RBBP5: variants seen among roughly 807,000 people sequenced by gnomAD.
The protein encoded by RBBP5 is RB binding protein 5, histone lysine methyltransferase complex subunit.
In RBBP5, 5 loss-of-function variants were observed where a neutral mutation model predicts 72.2. The ratio of observed to expected loss-of-function variants is 0.07; its 90% CI spans 0.04 to 0.15. RBBP5 has a LOEUF of 0.15. Ranked by LOEUF, RBBP5 falls within the 10% of genes least tolerant of loss-of-function variation. The pLI, the probability that RBBP5 is intolerant of heterozygous loss-of-function variation, is 1.00. For missense variants in RBBP5, 322 were observed against 652.2 expected (o/e 0.49, Z 5.51); for synonymous variants, 209 against 237.2 (o/e 0.88, Z 1.09).
chr1:205,099,709 T>C lies in RBBP5; in HGVS notation c.978+32A>G. 6.4e-7 allele frequency: 1 copy of C among 1,556,650 alleles called. No homozygotes were observed. Among genetic ancestry groups the C allele is most frequent in the Non-Finnish European group, 8.8e-7 (1 of 1,133,290 alleles). ...TTCTTTGATAAAAAGAAGGGGTAAC[T>C]AGTTTCGAAGCAAGTAAAATAGAAT... is the stretch of plus-strand genomic sequence containing the variant. On this transcript the variant is annotated intron_variant, in intron 9 of 13. Coordinates refer to ENST00000264515, the MANE Select transcript of RBBP5 (RefSeq NM_005057.4). This position sits in a 1 kb window ranked among gnomAD's most constrained non-coding sequence, Gnocchi z 4.7.
intron 13 of RBBP5, among the ~76,000 whole-genome samples, chr1:205,093,093 T>A (rs1655414174): frequency 6.6e-6 from 1 of 152,082 alleles, no homozygotes; most frequent in African/African-American, 2.4e-5. Flanking sequence ...TTGGAAGGAT[T>A]GCTCTTATTT....
rs369357886 is a variant in RBBP5 at position 205,088,689 on chromosome 1, C to T, written c.*98G>A. On this transcript the variant is annotated 3_prime_UTR_variant, in exon 14 of 14. Transcript: ENST00000264515. ...CACCTCCTGGGTGGGAGGCACAGGC[C>T]TTTGTTTTAAATTAAAGTCAATTTT... 100 of 1,325,558 alleles carry T rather than the reference C, an allele frequency of 7.5e-5. 1 individual carries two copies. In the East Asian group the frequency reaches 1.7e-3, roughly 23 times the overall value. The allele number at this position is 1,325,558 out of a possible 1,614,324, so 82.1% of individuals were successfully genotyped here.
intron 3 of RBBP5, among the ~76,000 whole-genome samples, chr1:205,113,686 ATTT>A (rs34699278): frequency 1.6e-5 from 2 of 125,764 alleles, no homozygotes; most frequent in Non-Finnish European, 1.9e-5. Context: ...AAAAATGTGT[ATTT>A]TTTTTTTTTT....
At position 205,093,482 on chromosome 1, in the gene RBBP5, ATATATATATATAT is replaced by A. The variant is rs1655460590; in HGVS notation, c.1588+1378_1588+1390del. Reference sequence around the variant, plus strand: ...TCAAAAAAAAAAAAAAAAAAAAAATATATATATATATATATATATATATATATATATATATATA... The same window carrying A: ...TCAAAAAAAAAAAAAAAAAAAAAATAATATATATATATATATATATATATA... On this transcript the variant is annotated intron_variant, in intron 13 of 13. Transcript: ENST00000264515. Among the ~76,000 whole-genome samples, 7 of 5,844 alleles carry A rather than the reference ATATATATATATAT, an allele frequency of 1.2e-3. 1 individual carries two copies. The highest frequency in any genetic ancestry group is 2.1e-3 in the Non-Finnish European group (4 of 1,924). The allele number at this position is 5,844 out of a possible 152,430, so 3.8% of individuals were successfully genotyped here.
At chr1:205,101,498 A>G in intron 6 of RBBP5, 102 bp downstream of exon 6, 1 of 765,918 alleles carries the variant, frequency 1.3e-6, no homozygotes, top group Non-Finnish European at 2.0e-6. Context: ...ACATTTTTAA[A>G]AAATGCTTAA....
At chr1:205,109,730 A>C (rs1656229671) in intron 3 of RBBP5, among the ~76,000 whole-genome samples, 2 of 152,224 alleles carry the variant, frequency 1.3e-5, no homozygotes, top group Admixed American at 1.3e-4. Flanking sequence ...CTTCAATTCC[A>C]AATTCCATAA....
intron 3 of RBBP5, among the ~76,000 whole-genome samples, chr1:205,106,605 A>G (rs982818763): frequency 2.6e-5 from 4 of 152,196 alleles, no homozygotes; most frequent in African/African-American, 9.7e-5. Flanking sequence ...CTCAAGAAAA[A>G]GTAAAAAATA....
At chr1:205,106,729 C>A (rs560092671) in intron 3 of RBBP5, among the ~76,000 whole-genome samples, 1 of 152,242 alleles carries the variant, frequency 6.6e-6, no homozygotes, top group East Asian at 1.9e-4. Flanking sequence ...AATCAATAGA[C>A]ACTAATACAG....
chr1:205,093,260 G>C (rs1468025206), intron 13 of RBBP5, among the ~76,000 whole-genome samples: 1 of 150,718 alleles, frequency 6.6e-6, no homozygotes, highest in East Asian at 1.9e-4. Context: ...AGGAGTTCAA[G>C]ATCAGCCTGA....
In RBBP5 at chr1:205,100,068, A is replaced by C. The variant is rs776694187; in HGVS notation, c.753-4T>G. ...ACAACATTTCTTCCATGGGGTCCTAAAGGACAAGGAAAGTACCAAGGAGAG... is the reference window on the plus strand; with the variant it reads ...ACAACATTTCTTCCATGGGGTCCTACAGGACAAGGAAAGTACCAAGGAGAG... On this transcript the variant is annotated splice_polypyrimidine_tract_variant and splice_region_variant and intron_variant, in intron 7 of 13. Coordinates refer to ENST00000264515, the MANE Select transcript of RBBP5 (RefSeq NM_005057.4). The C allele has an allele frequency of 1.3e-5, 21 of 1,613,696 alleles. No homozygotes were observed. Among genetic ancestry groups the C allele is most frequent in the Admixed American group, 1.0e-4 (6 of 59,992 alleles).
rs991753849 is a variant in RBBP5, at chr1:205,096,818, C to T, written c.1260G>A (p.Pro420=). 1.1e-5 allele frequency: 17 copies of T among 1,614,002 alleles called. 1 individual carries two copies. Among genetic ancestry groups the T allele is most frequent in the African/African-American group, 2.7e-5 (2 of 74,878 alleles). The part of the protein sequence containing the change: ...DPEENPYGPP[P]DAVQTSLMDE... ...CCATCAAGGAGGTTTGGACTGCATC[C>T]GGTGGGGGGCCGTAAGGATTTTCTT... Residue 420 remains proline (P), a synonymous_variant, in exon 12 of 14, where the codon CCG becomes CCA. Transcript: ENST00000264515.
intron 6 of RBBP5, 110 bp from the exon 7 acceptor site, chr1:205,100,381 T>C (rs1368291991): frequency 7.0e-6 from 9 of 1,293,780 alleles, no homozygotes; most frequent in Non-Finnish European, 9.5e-6. Flanking sequence ...AGTAATAGAC[T>C]AGAATATTTA....
In RBBP5 at chr1:205,116,012, T is replaced by C. The variant is rs1171854677; in HGVS notation, c.20-129A>G. Reference sequence around the variant, plus strand: ...ATATGATGCCCTTTCAGGCATTCCATGAGGCCATACGGATTTTCAAGATCC... The same window carrying C: ...ATATGATGCCCTTTCAGGCATTCCACGAGGCCATACGGATTTTCAAGATCC... On this transcript the variant is annotated intron_variant, in intron 1 of 13. Transcript: ENST00000264515. 5.0e-6 allele frequency: 8 copies of C among 1,589,110 alleles called. 1 individual carries two copies. The South Asian group carries it at 7.8e-5, about 16-fold the overall frequency.
chr1:205,088,850 CT>C, intron 13 of RBBP5, 35 bp from the exon 14 acceptor site: 1 of 1,546,778 alleles, frequency 6.5e-7, no homozygotes, highest in Non-Finnish European at 8.8e-7. Context: ...TTTCTTTTAG[CT>C]TCAATTTAGA....
chr1:205,115,782 A>G (rs1466272065), intron 2 of RBBP5, 76 bp downstream of exon 2: 2 of 1,439,116 alleles, frequency 1.4e-6, no homozygotes, highest in African/African-American at 2.9e-5. Flanking sequence ...ACAAGGATCA[A>G]AAAGTATTTT....
chr1:205,097,303 C>T (rs1431330549), intron 11 of RBBP5, 23 bp downstream of exon 11: 4 of 1,551,114 alleles, frequency 2.6e-6, no homozygotes, highest in Middle Eastern at 1.7e-4. Context: ...AGCCAAGGTG[C>T]CCAGCCTTCC....
At chr1:205,097,830 A>G (rs910592254) in intron 10 of RBBP5, among the ~76,000 whole-genome samples, 2 of 152,134 alleles carry the variant, frequency 1.3e-5, no homozygotes, top group African/African-American at 4.8e-5. Flanking sequence ...TAATATCACA[A>G]AAGTGAGGAC....
At chr1:205,115,617 T>C (rs543863776) in intron 2 of RBBP5, among the ~76,000 whole-genome samples, 3 of 152,346 alleles carry the variant, frequency 2.0e-5, no homozygotes, top group Admixed American at 1.3e-4. Context: ...AATGAAAGTT[T>C]TTCTTTTATT....
intron 1 of RBBP5, among the ~76,000 whole-genome samples, chr1:205,118,668 A>G (rs1378699329): frequency 6.6e-6 from 1 of 152,170 alleles, no homozygotes; most frequent in Non-Finnish European, 1.5e-5. Context: ...ATCAGAGAAC[A>G]CTGAACATAA....
Sources: allele counts gnomAD v4.1 joint callset (sites outside exome capture counted in the v4.1 genomes callset), GRCh38; gene constraint gnomAD v4.1.1; non-coding constraint Gnocchi (gnomAD v3.1); transcripts MANE v1.5; gene names NCBI Gene and HGNC (gene_info 2026-07-23, HGNC 2026-07-21).